Variants in KCNQ1OT1 observed in about 807,000 individuals in gnomAD.
The protein encoded by KCNQ1OT1 is KCNQ1 opposite strand/antisense transcript 1.
chr11:2,665,328 G>C, exon 1 of KCNQ1OT1: 1 of 398,358 alleles, frequency 2.5e-6, no homozygotes. Flanking sequence ...GGGAAGTAGA[G>C]ACTGTAGGCC....
In KCNQ1OT1 at chr11:2,659,111, T is replaced by TTTTTTAAA; in HGVS notation, n.40876_40883dup. ...TAGGGTCCTCCAACATCCGGGTTAA[T>TTTTTTAAA]TTTTTAAATTTGCATACAGTAAAAT... On this transcript the variant is annotated non_coding_transcript_exon_variant, in exon 1 of 1. Transcript: ENST00000597346. The surrounding 1 kb of genome is among the most constrained non-coding windows in gnomAD (Gnocchi z 4.3). 3 of 398,636 alleles carry TTTTTTAAA rather than the reference T, an allele frequency of 7.5e-6. No individual in the cohort carries two copies. The highest frequency in any genetic ancestry group is 1.3e-5 in the Non-Finnish European group (3 of 226,050). The allele number at this position is 398,636 out of a possible 1,614,324, so 24.7% of individuals were successfully genotyped here.
chr11:2,689,953 C>T, exon 1 of KCNQ1OT1: 1 of 398,862 alleles, frequency 2.5e-6, no homozygotes, highest in Non-Finnish European at 4.4e-6. Flanking sequence ...ATGACAGTGA[C>T]TAGCCTCAGA....
chr11:2,665,026 G>T (rs748704337), exon 1 of KCNQ1OT1: 3 of 398,534 alleles, frequency 7.5e-6, no homozygotes, highest in South Asian at 1.3e-4. Context: ...GAGGTGGGGT[G>T]GGGGGTGAGC....
In KCNQ1OT1 at chr11:2,698,513, G is replaced by T; in HGVS notation, n.1482C>A. 1 of 398,476 alleles carries T rather than the reference G, an allele frequency of 2.5e-6. No homozygotes were observed. Among genetic ancestry groups the T allele is most frequent in the Non-Finnish European group, 4.4e-6 (1 of 226,054 alleles). The allele number at this position is 398,476 out of a possible 1,614,324, so 24.7% of individuals were successfully genotyped here. A position where few individuals can be genotyped will look rare whatever the true frequency, so the allele number is the denominator to read the frequency against. ...TCTACCACTACCTCTCACCTGGCAG[G>T]TGATCACCACCCCCAACTCAGACTG... On this transcript the variant is annotated non_coding_transcript_exon_variant, in exon 1 of 1. Transcript: ENST00000597346. The surrounding 1 kb of genome is among the most constrained non-coding windows in gnomAD (Gnocchi z 5.1).
chr11:2,665,471 G>C, exon 1 of KCNQ1OT1: 1 of 396,604 alleles, frequency 2.5e-6, no homozygotes. Context: ...AGTGGGTGGG[G>C]ACGGTGCCAT....
chr11:2,626,854 G>A lies in KCNQ1OT1; in HGVS notation n.73141C>T, dbSNP rs1244460285. Reference sequence around the variant, plus strand: ...GTAGTAAGTTTTCAAATCAGAAAGTGTGAGTCCTCCAATGTTGTTCATCAT... The same window carrying A: ...GTAGTAAGTTTTCAAATCAGAAAGTATGAGTCCTCCAATGTTGTTCATCAT... On this transcript the variant is annotated non_coding_transcript_exon_variant, in exon 1 of 1. Coordinates refer to ENST00000597346, the Ensembl canonical transcript of KCNQ1OT1. The surrounding 1 kb of genome is among the most constrained non-coding windows in gnomAD (Gnocchi z 4.0). 1 of 398,490 alleles carries A rather than the reference G, an allele frequency of 2.5e-6. No individual in the cohort carries two copies. Among genetic ancestry groups the A allele is most frequent in the Non-Finnish European group, 4.4e-6 (1 of 226,070 alleles). 24.7% of individuals were successfully genotyped at this position (398,490 alleles called of 1,614,324 possible).
exon 1 of KCNQ1OT1, chr11:2,628,174 A>G: frequency 2.5e-6 from 1 of 398,630 alleles, no homozygotes. Context: ...GCTGGATCAT[A>G]TAGCAGTTCC....
exon 1 of KCNQ1OT1, chr11:2,675,317 G>A (rs1159307977): frequency 1.3e-5 from 5 of 398,442 alleles, no homozygotes; most frequent in Non-Finnish European, 2.2e-5. Flanking sequence ...ACATGAAAGT[G>A]GGATGGGATC....
rs1168054812 is a variant in KCNQ1OT1 at position 2,616,215 on chromosome 11, T to C, written n.83780A>G. 1.5e-5 allele frequency: 6 copies of C among 397,182 alleles called. No individual in the cohort carries two copies. The Admixed American group carries it at 2.7e-4, about 18-fold the overall frequency. The allele number at this position is 397,182 out of a possible 1,614,324, so 24.6% of individuals were successfully genotyped here. A position where few individuals can be genotyped will look rare whatever the true frequency, so the allele number is the denominator to read the frequency against. ...TCGTTCCCACTTTTGTTTTTTTTTC[T>C]TATTTTTGTTTTTTTTTGTTGTGTT... On this transcript the variant is annotated non_coding_transcript_exon_variant, in exon 1 of 1. Coordinates refer to ENST00000597346, the Ensembl canonical transcript of KCNQ1OT1.
exon 1 of KCNQ1OT1, chr11:2,662,326 T>G (rs1849974727): frequency 3.5e-6 from 2 of 576,818 alleles, no homozygotes; most frequent in Admixed American, 6.1e-5. Flanking sequence ...GACTGATCAT[T>G]TTCCACTTGT....
exon 1 of KCNQ1OT1, chr11:2,609,528 C>A: frequency 2.5e-6 from 1 of 398,216 alleles, no homozygotes; most frequent in Non-Finnish European, 4.4e-6. Flanking sequence ...CTATAATTAC[C>A]TTTTGAGTCT....
chr11:2,684,201 C>T, exon 1 of KCNQ1OT1: 1 of 398,598 alleles, frequency 2.5e-6, no homozygotes, highest in Non-Finnish European at 4.4e-6. Context: ...TCAGACTCTG[C>T]CAGGAGACAG....
Position 2,611,960 on chromosome 11 carries a change from C to T in KCNQ1OT1, n.88035G>A. 5.0e-6 allele frequency: 2 copies of T among 398,598 alleles called. No homozygotes were observed. Among genetic ancestry groups the T allele is most frequent in the Non-Finnish European group, 8.8e-6 (2 of 226,064 alleles). 24.7% of individuals were successfully genotyped at this position (398,598 alleles called of 1,614,324 possible). A position where few individuals can be genotyped will look rare whatever the true frequency, so the allele number is the denominator to read the frequency against. ...TAATAATCTACTCAAATATTTTTGT[C>T]TGCCCTATTCTCTCCTTCTCAGTAC... On this transcript the variant is annotated non_coding_transcript_exon_variant, in exon 1 of 1. Transcript: ENST00000597346. This position sits in a 1 kb window ranked among gnomAD's most constrained non-coding sequence, Gnocchi z 5.3.
In KCNQ1OT1 at chr11:2,645,927, C is replaced by T; in HGVS notation, n.54068G>A. On this transcript the variant is annotated non_coding_transcript_exon_variant, in exon 1 of 1. Transcript: ENST00000597346. The surrounding 1 kb of genome is among the most constrained non-coding windows in gnomAD (Gnocchi z 5.8). The stretch of plus-strand genomic sequence containing the variant: ...TGCCATTTCACAGTCTGTAGGTAGC[C>T]TCTTGTTAGTCTCAAGGCATCTATG... 1 of 398,622 alleles carries T rather than the reference C, an allele frequency of 2.5e-6. No homozygotes were observed. The highest frequency in any genetic ancestry group is 4.4e-5 in the Admixed American group (1 of 22,738). The allele number at this position is 398,622 out of a possible 1,614,324, so 24.7% of individuals were successfully genotyped here.
At chr11:2,699,671 A>ACCGCGCCGAAGAACCCCCGGGGAGAG (rs1850753307) in exon 1 of KCNQ1OT1, 1 of 348,904 alleles carries the variant, frequency 2.9e-6, no homozygotes, top group Non-Finnish European at 5.1e-6. Context: ...CCCGGGGAGA[A>ACCGCGCCGAAGAACCCCCGGGGAGAG]CCGCGCCGAA....
chr11:2,682,830 A>T lies in KCNQ1OT1; in HGVS notation n.17165T>A, dbSNP rs887411086. ...TGCAGTGATCCTCCTGGGGCCTTGT[A>T]TAGAAGAGACCATCTCAGTTTTGTA... is the stretch of plus-strand genomic sequence containing the variant. On this transcript the variant is annotated non_coding_transcript_exon_variant, in exon 1 of 1. Transcript: ENST00000597346. The surrounding 1 kb of genome is among the most constrained non-coding windows in gnomAD (Gnocchi z 5.8). The T allele has an allele frequency of 2.5e-5, 10 of 398,472 alleles. No homozygotes were observed. Among genetic ancestry groups the T allele is most frequent in the African/African-American group, 2.1e-4 (10 of 48,616 alleles). The allele number at this position is 398,472 out of a possible 1,614,324, so 24.7% of individuals were successfully genotyped here.
Position 2,627,886 on chromosome 11 carries a change from G to A in KCNQ1OT1, n.72109C>T. 5.0e-6 allele frequency: 2 copies of A among 398,688 alleles called. No homozygotes were observed. The highest frequency in any genetic ancestry group is 8.8e-6 in the Non-Finnish European group (2 of 226,244). 24.7% of individuals were successfully genotyped at this position (398,688 alleles called of 1,614,324 possible). On this transcript the variant is annotated non_coding_transcript_exon_variant, in exon 1 of 1. Coordinates refer to ENST00000597346, the Ensembl canonical transcript of KCNQ1OT1. This position sits in a 1 kb window ranked among gnomAD's most constrained non-coding sequence, Gnocchi z 4.9. The stretch of plus-strand genomic sequence containing the variant: ...CTGCCTCAGCCTCCTGAGTAGCTGG[G>A]ACCACAGTCATGCACCCCCATGCCC...
At chr11:2,648,981 C>CTTTTTTTTTTTTTTTTTTTT in exon 1 of KCNQ1OT1, 137 of 213,272 alleles carry the variant, frequency 6.4e-4, no homozygotes, top group African/African-American at 1.3e-3. Context: ...TTTTCTTTTT[C>CTTTTTTTTTTTTTTTTTTTT]TTTTTTTTTT....
chr11:2,698,639 C>G lies in KCNQ1OT1; in HGVS notation n.1356G>C, dbSNP rs1023167546. 6.5e-5 allele frequency: 26 copies of G among 398,486 alleles called. No homozygotes were observed. Among genetic ancestry groups the G allele is most frequent in the Middle Eastern group, 6.2e-4 (1 of 1,610 alleles). 24.7% of individuals were successfully genotyped at this position (398,486 alleles called of 1,614,324 possible). A position where few individuals can be genotyped will look rare whatever the true frequency, so the allele number is the denominator to read the frequency against. On this transcript the variant is annotated non_coding_transcript_exon_variant, in exon 1 of 1. Coordinates refer to ENST00000597346, the Ensembl canonical transcript of KCNQ1OT1. The surrounding 1 kb of genome is among the most constrained non-coding windows in gnomAD (Gnocchi z 5.1). ...TCCCATACCCCACTGAGACCTCTAA[C>G]CCCAATCCCAATCTCTTAACTCAGA...
Sources: allele counts gnomAD v4.1 joint callset, GRCh38; gene constraint gnomAD v4.1.1; non-coding constraint Gnocchi (gnomAD v3.1); transcripts MANE v1.5; gene names NCBI Gene and HGNC (gene_info 2026-07-23, HGNC 2026-07-21).